CTNNBL1: variants seen among roughly 807,000 people sequenced by gnomAD.
CTNNBL1 encodes beta-catenin-like protein 1.
A neutral mutation model predicts 72.7 loss-of-function variants in CTNNBL1; 31 were observed. That is an observed-to-expected ratio of 0.43 (90% confidence interval 0.32 to 0.58). The LOEUF (loss-of-function observed/expected upper bound fraction) is 0.58, where lower values mean the gene tolerates loss of function less well. Among genes scored for constraint, CTNNBL1 ranks in the 20% least tolerant of loss-of-function variants. CTNNBL1 has a pLI of 0.08. For synonymous variants in CTNNBL1, 240 were observed against 267.3 expected (o/e 0.90, Z 1.00); for missense variants, 534 against 725.1 (o/e 0.74, Z 3.03).
At position 37,765,262 on chromosome 20, in the gene CTNNBL1, G is replaced by A; in HGVS notation, c.630G>A (p.Glu210=). The A allele has an allele frequency of 6.4e-7, 1 of 1,551,326 alleles. No homozygotes were observed. The highest frequency in any genetic ancestry group is 8.7e-7 in the Non-Finnish European group (1 of 1,146,658). The stretch of plus-strand genomic sequence containing the variant: ...AGCGCCTGGATGAGTCTGTGAAAGA[G>A]GAGGCAGATGGCGTCCACAACACTC... ...NLERLDESVK[E]EADGVHNTLA... is the part of the protein sequence containing the mutation. Residue 210 remains glutamate, a synonymous_variant, in exon 6 of 16, where the codon GAG becomes GAA. Transcript: ENST00000361383.
At chr20:37,792,728 A>AGGATACCCCTAAG (rs530398746) in intron 10 of CTNNBL1, among the ~76,000 whole-genome samples, 4 of 152,336 alleles carry the variant, frequency 2.6e-5, no homozygotes, top group South Asian at 2.1e-4. Flanking sequence ...GGATACTCAA[A>AGGATACCCCTAAG]GGATACCCCT....
chr20:37,749,745 G>T (rs2073301283), intron 4 of CTNNBL1: 1 of 152,102 alleles, frequency 6.6e-6, no homozygotes, highest in South Asian at 2.1e-4. Context: ...TTTCAGGAAA[G>T]GGCAGGTCCT....
intron 7 of CTNNBL1, among the ~76,000 whole-genome samples, chr20:37,773,614 A>G (rs545480937): frequency 1.3e-5 from 2 of 152,200 alleles, no homozygotes; most frequent in Non-Finnish European, 2.9e-5. Flanking sequence ...GAAATTTGGC[A>G]GTTTGGTATT....
At chr20:37,811,307 G>T (rs1013980213) in intron 11 of CTNNBL1, among the ~76,000 whole-genome samples, 1 of 152,216 alleles carries the variant, frequency 6.6e-6, no homozygotes, top group Non-Finnish European at 1.5e-5. Context: ...CTCCAAGCTT[G>T]ACAATCACAG....
chr20:37,704,540 C>T (rs964011479), intron 1 of CTNNBL1, among the ~76,000 whole-genome samples: 2 of 151,332 alleles, frequency 1.3e-5, no homozygotes, highest in African/African-American at 4.9e-5. Context: ...CACAGTGAGA[C>T]ATCGTCTCAA....
At chr20:37,823,485 G>A (rs555493824) in intron 11 of CTNNBL1, among the ~76,000 whole-genome samples, 1 of 152,334 alleles carries the variant, frequency 6.6e-6, no homozygotes, top group East Asian at 1.9e-4. Context: ...CAGTTGGTGA[G>A]GCTGCAGTAG....
rs537728924 is a variant in CTNNBL1, at chr20:37,769,789, C to T, written c.750+1745C>T. ...ACTAAAGTAATGCTCTAAGTAATGG[C>T]CTTGCTCTGCTTCAGAATGTCACAA... On this transcript the variant is annotated intron_variant, in intron 7 of 15. Coordinates refer to ENST00000361383, the MANE Select transcript of CTNNBL1 (RefSeq NM_030877.5). Among the ~76,000 whole-genome samples, 319 of 152,254 alleles carry T rather than the reference C, an allele frequency of 2.1e-3. 3 individuals are homozygous for T. Among genetic ancestry groups the T allele is most frequent in the African/African-American group, 7.4e-3 (306 of 41,550 alleles).
intron 2 of CTNNBL1, among the ~76,000 whole-genome samples, chr20:37,735,668 G>A (rs577350471): frequency 5.9e-5 from 9 of 152,300 alleles, no homozygotes; most frequent in African/African-American, 1.9e-4. Context: ...GGATCTAGGA[G>A]TCATTGGTAT....
chr20:37,710,554 G>A (rs1016768229), intron 1 of CTNNBL1, among the ~76,000 whole-genome samples: 2 of 152,004 alleles, frequency 1.3e-5, no homozygotes, highest in African/African-American at 2.4e-5. Context: ...TTTTCCTCTA[G>A]CATCTCTTTG....
chr20:37,744,038 C>T (rs1373268845), intron 3 of CTNNBL1, among the ~76,000 whole-genome samples: 1 of 151,952 alleles, frequency 6.6e-6, no homozygotes, highest in Non-Finnish European at 1.5e-5. Flanking sequence ...AAACACTTTT[C>T]TCTGATTATT....
intron 1 of CTNNBL1, among the ~76,000 whole-genome samples, chr20:37,721,656 C>T (rs1256130341): frequency 6.6e-6 from 1 of 152,254 alleles, no homozygotes; most frequent in Non-Finnish European, 1.5e-5. Flanking sequence ...ATCACATACT[C>T]CTCTCTAATC....
intron 3 of CTNNBL1, among the ~76,000 whole-genome samples, chr20:37,738,835 A>G (rs534199105): frequency 1.3e-5 from 2 of 152,360 alleles, no homozygotes; most frequent in South Asian, 2.1e-4. Flanking sequence ...TATGAGGAGC[A>G]TGAACAAAGG....
chr20:37,822,244 T>C (rs549276711), intron 11 of CTNNBL1, among the ~76,000 whole-genome samples: 1 of 152,238 alleles, frequency 6.6e-6, no homozygotes, highest in Non-Finnish European at 1.5e-5. Flanking sequence ...GTGGGTGTCT[T>C]CCCTGAACAG....
intron 10 of CTNNBL1, among the ~76,000 whole-genome samples, chr20:37,780,024 A>G (rs1385678143): frequency 6.6e-6 from 1 of 151,916 alleles, no homozygotes; most frequent in Non-Finnish European, 1.5e-5. Context: ...GTGTGGGGGA[A>G]GGCTGAGGGG....
rs764634448 is a variant in CTNNBL1 at position 37,802,928 on chromosome 20, G to A, written c.1093G>A (p.Glu365Lys). ...KVLDHAMIGP[E>K]GTDNCHKFVD... is the part of the protein sequence containing the mutation. ...GCTGGACCATGCCATGATTGGCCCC[G>A]AAGGCACAGACAACTGCCATAAGTT... The change falls in exon 11 of 16, where the codon GAA (glutamate) becomes AAA (lysine). Residue 365 changes from glutamate (E) to lysine (K), a missense_variant. Glu to Lys is a moderately conservative substitution (Grantham distance 56, BLOSUM62 1). Transcript: ENST00000361383. 5 of 1,614,002 alleles carry A rather than the reference G, an allele frequency of 3.1e-6. No homozygotes were observed. Among genetic ancestry groups the A allele is most frequent in the East Asian group, 4.5e-5 (2 of 44,864 alleles).
chr20:37,865,619 C>G (rs963249477), intron 15 of CTNNBL1, among the ~76,000 whole-genome samples: 1 of 152,174 alleles, frequency 6.6e-6, no homozygotes, highest in Non-Finnish European at 1.5e-5. Flanking sequence ...GCAGTCATCA[C>G]CTTGGCTGTG....
intron 7 of CTNNBL1, among the ~76,000 whole-genome samples, chr20:37,771,224 A>G (rs1055402676): frequency 1.3e-5 from 2 of 152,212 alleles, no homozygotes; most frequent in African/African-American, 4.8e-5. Flanking sequence ...AAGATCACCA[A>G]TGGAACTGAA....
chr20:37,849,500 G>A (rs370253497), intron 13 of CTNNBL1, among the ~76,000 whole-genome samples: 38 of 152,156 alleles, frequency 2.5e-4, no homozygotes, highest in Non-Finnish European at 4.1e-4. Flanking sequence ...CCATTGCTCC[G>A]AACTCTGCCC....
chr20:37,831,556 C>T (rs370833634), intron 11 of CTNNBL1, among the ~76,000 whole-genome samples: 2 of 152,068 alleles, frequency 1.3e-5, no homozygotes, highest in African/African-American at 2.4e-5. Context: ...TTAGTAGTGA[C>T]GGGGTTTTAC....
Sources: allele counts gnomAD v4.1 joint callset (sites outside exome capture counted in the v4.1 genomes callset), GRCh38; gene constraint gnomAD v4.1.1; transcripts MANE v1.5; gene names NCBI Gene and HGNC (gene_info 2026-07-23, HGNC 2026-07-21).